Variants in CCDC73 observed in about 807,000 individuals in gnomAD.
The protein encoded by CCDC73 is coiled-coil domain-containing protein 73.
CCDC73 carries 95 observed loss-of-function variants against 116.5 expected under a neutral mutation model. The observed-to-expected ratio is 0.82, with a 90% CI of 0.69 to 0.97. The LOEUF is 0.97. Among genes scored for constraint, CCDC73 ranks in the 50% least tolerant of loss-of-function variants. CCDC73 has a pLI of 0.00. For synonymous variants in CCDC73, 398 were observed against 401.3 expected, an observed-to-expected ratio of 0.99 and a Z score of 0.10; for missense variants, 1,066 against 1,206.8, an observed-to-expected ratio of 0.88 and a Z score of 1.73.
chr11:32,820,162 T>A, the CCDC73 span, among the ~76,000 whole-genome samples: 3 of 151,600 alleles, frequency 2.0e-5, no homozygotes, highest in African/African-American at 7.3e-5. Flanking sequence ...GAACTGGAAC[T>A]TTTTTTTTGA....
At chr11:32,719,003 C>T (rs185670099) in intron 2 of CCDC73, among the ~76,000 whole-genome samples, 2 of 152,218 alleles carry the variant, frequency 1.3e-5, no homozygotes, top group East Asian at 3.9e-4. Flanking sequence ...TCTTCCACCA[C>T]CACCACCATG....
intron 7 of CCDC73, among the ~76,000 whole-genome samples, chr11:32,677,760 T>C (rs1028423423): frequency 6.6e-6 from 1 of 151,760 alleles, no homozygotes; most frequent in Non-Finnish European, 1.5e-5. Flanking sequence ...GTGACCATCC[T>C]GACCAACATG....
intron 14 of CCDC73, among the ~76,000 whole-genome samples, chr11:32,622,798 A>G (rs575749714): frequency 6.6e-6 from 1 of 151,986 alleles, no homozygotes; most frequent in East Asian, 1.9e-4. Context: ...AATTAATGGT[A>G]TAACTATTAT....
intron 6 of CCDC73, among the ~76,000 whole-genome samples, chr11:32,686,520 G>A (rs780377673): frequency 1.3e-5 from 2 of 151,808 alleles, no homozygotes; most frequent in African/African-American, 2.4e-5. Context: ...AATGTTTTGA[G>A]GTCATCTAGA....
intron 16 of CCDC73, among the ~76,000 whole-genome samples, chr11:32,612,910 T>C (rs1357717766): frequency 6.6e-6 from 1 of 152,244 alleles, no homozygotes; most frequent in Non-Finnish European, 1.5e-5. Context: ...ATGGCAGTTT[T>C]TAAGACAGAA....
At chr11:32,608,184 C>T (rs1855380076) in intron 17 of CCDC73, among the ~76,000 whole-genome samples, 1 of 152,106 alleles carries the variant, frequency 6.6e-6, no homozygotes, top group Non-Finnish European at 1.5e-5. Flanking sequence ...CATTTCAAAA[C>T]CAATCATGCC....
chr11:32,705,098 C>A lies in CCDC73; in HGVS notation c.208-2154G>T, dbSNP rs143266480. ...AACGCTATAGCTCTCCCAGCCTCTG[C>A]CAGTGCTGGGTGGCCGCACCATTCA... On this transcript the variant is annotated intron_variant, in intron 3 of 17. Coordinates refer to ENST00000335185, the MANE Select transcript of CCDC73 (RefSeq NM_001008391.4). 7.1e-3 allele frequency among the ~76,000 whole-genome samples: 1,083 copies of A among 152,340 alleles called. 12 individuals carry two copies. Among genetic ancestry groups the A allele is most frequent in the African/African-American group, 0.024 (1,013 of 41,584 alleles).
At chr11:32,726,394 T>A (rs1366106538) in intron 2 of CCDC73, among the ~76,000 whole-genome samples, 1 of 151,766 alleles carries the variant, frequency 6.6e-6, no homozygotes, top group East Asian at 1.9e-4. Flanking sequence ...AACTGAAAAA[T>A]ATAATAAATC....
chr11:32,681,580 G>A (rs1856144951), intron 7 of CCDC73: 1 of 151,952 alleles, frequency 6.6e-6, no homozygotes, highest in Non-Finnish European at 1.5e-5. Flanking sequence ...ACCTATAGGA[G>A]CTCATAAACT....
At chr11:32,807,904 T>C in the CCDC73 span, among the ~76,000 whole-genome samples, 1 of 152,326 alleles carries the variant, frequency 6.6e-6, no homozygotes, top group African/African-American at 2.4e-5. Context: ...AATGGCTCCC[T>C]CTAAAATAAA....
intron 3 of CCDC73, 129 bp downstream of exon 3, chr11:32,717,947 A>T: frequency 1.6e-6 from 1 of 609,478 alleles, no homozygotes; most frequent in Non-Finnish European, 2.8e-6. Flanking sequence ...TCAGGAGAAC[A>T]GCATGGGGAA....
chr11:32,814,301 C>G, the CCDC73 span, among the ~76,000 whole-genome samples: 1 of 152,134 alleles, frequency 6.6e-6, no homozygotes, highest in African/African-American at 2.4e-5. Context: ...AATTTCCAAC[C>G]AATTGTTGCC....
intron 2 of CCDC73, among the ~76,000 whole-genome samples, chr11:32,728,119 G>A (rs1284420785): frequency 6.6e-6 from 1 of 151,910 alleles, no homozygotes; most frequent in African/African-American, 2.4e-5. Flanking sequence ...AGGCATGATG[G>A]TGCCACCTGT....
At chr11:32,724,438 T>C (rs1415482460) in intron 2 of CCDC73, among the ~76,000 whole-genome samples, 2 of 152,312 alleles carry the variant, frequency 1.3e-5, no homozygotes, top group African/African-American at 2.4e-5. Context: ...AAGGCATAGA[T>C]TGAGAAATGG....
intron 2 of CCDC73, among the ~76,000 whole-genome samples, chr11:32,721,000 C>A (rs1849984981): frequency 6.6e-6 from 1 of 152,112 alleles, no homozygotes; most frequent in South Asian, 2.1e-4. Flanking sequence ...AAATAATAAA[C>A]TCTTTGTAAT....
chr11:32,723,539 T>C (rs900939072), intron 2 of CCDC73, among the ~76,000 whole-genome samples: 1 of 152,210 alleles, frequency 6.6e-6, no homozygotes, highest in African/African-American at 2.4e-5. Flanking sequence ...GTTACAATTT[T>C]GGCTGCTTGG....
At chr11:32,757,474 G>T (rs926624124) in intron 2 of CCDC73, among the ~76,000 whole-genome samples, 1 of 152,168 alleles carries the variant, frequency 6.6e-6, no homozygotes, top group South Asian at 2.1e-4. Flanking sequence ...AATCTGATTA[G>T]TAGGTACATT....
At chr11:32,661,622 C>T (rs1051989889) in intron 9 of CCDC73, among the ~76,000 whole-genome samples, 1 of 151,944 alleles carries the variant, frequency 6.6e-6, no homozygotes, top group East Asian at 1.9e-4. Context: ...CTACAAAGGA[C>T]ATGAACTCAT....
intron 6 of CCDC73, among the ~76,000 whole-genome samples, chr11:32,686,667 G>A (rs1031630821): frequency 3.9e-4 from 59 of 152,156 alleles, no homozygotes; most frequent in African/African-American, 9.4e-4. Context: ...TCAGGCCACC[G>A]TTCTTCACAC....
Sources: gnomAD v4.1 joint callset for allele counts (sites outside exome capture counted in the v4.1 genomes callset) on GRCh38, gnomAD v4.1.1 for gene constraint, MANE v1.5 for transcripts, NCBI Gene and HGNC (gene_info 2026-07-23, HGNC 2026-07-21) for gene names.